Variants in NSUN4 observed in about 807,000 individuals in gnomAD.
NSUN4 encodes 5-cytosine rRNA methyltransferase NSUN4.
In NSUN4, 31 loss-of-function variants were observed where a neutral mutation model predicts 43.8. The ratio of observed to expected loss-of-function variants is 0.71; its 90% CI spans 0.53 to 0.96. The LOEUF (loss-of-function observed/expected upper bound fraction) is 0.96. Ranked by LOEUF, NSUN4 falls within the 40% of genes least tolerant of loss-of-function variation. The pLI is 0.00. For synonymous variants in NSUN4, 167 were observed against 184.1 expected, an observed-to-expected ratio of 0.91 and a Z score of 0.75; for missense variants, 439 against 475.6, an observed-to-expected ratio of 0.92 and a Z score of 0.72.
At chr1:46,374,425 T>C in the NSUN4 span, among the ~76,000 whole-genome samples, 37 of 139,744 alleles carry the variant, frequency 2.6e-4, no homozygotes, top group African/African-American at 9.0e-4. Context: ...CTGGCCAACA[T>C]GATGAAACCC....
intron 1 of NSUN4, chr1:46,342,158 G>A (rs1662161868): frequency 2.5e-6 from 1 of 402,344 alleles, no homozygotes; most frequent in East Asian, 3.6e-5. Context: ...TGGAAACTGG[G>A]CTGATGATCT....
At chr1:46,352,496 G>T (rs970763136) in intron 3 of NSUN4, among the ~76,000 whole-genome samples, 1 of 148,312 alleles carries the variant, frequency 6.7e-6, no homozygotes, top group African/African-American at 2.5e-5. Flanking sequence ...GAAAAGGAGA[G>T]AAAGGAAAGG....
chr1:46,370,986 AG>A, the NSUN4 span: 33 of 152,574 alleles, frequency 2.2e-4, no homozygotes, highest in African/African-American at 7.7e-4. Context: ...CTGCCCTTTG[AG>A]GTAGCTCAGT....
At chr1:46,343,975 C>A (rs1019506945) in intron 1 of NSUN4, 7 of 394,200 alleles carry the variant, frequency 1.8e-5, no homozygotes, top group African/African-American at 1.4e-4. Context: ...TCTGACCAGA[C>A]CAAAAATCTA....
chr1:46,366,704 C>CTAAAAAAAAA (rs1664142602), downstream of NSUN4, among the ~76,000 whole-genome samples: 1 of 59,432 alleles, frequency 1.7e-5, no homozygotes, highest in Non-Finnish European at 2.8e-5. Flanking sequence ...ACTAAAAATA[C>CTAAAAAAAAA]AAAAAAAAAA....
chr1:46,358,398 A>ATTTTTT lies in NSUN4; in HGVS notation c.754-2289_754-2284dup, dbSNP rs34719174. 9.4e-5 allele frequency among the ~76,000 whole-genome samples: 9 copies of ATTTTTT among 95,434 alleles called. 2 individuals carry two copies. The highest frequency in any genetic ancestry group is 7.9e-5 in the Non-Finnish European group (4 of 50,364). The allele number at this position is 95,434 out of a possible 152,430, so 62.6% of individuals were successfully genotyped here. On this transcript the variant is annotated intron_variant, in intron 4 of 5. Transcript: ENST00000474844. ...GGCATGAGCTACTGCTCCTGGCCTA[A>ATTTTTT]TTTTTTTTTTTTTTTTTTTTTTGAG...
At chr1:46,377,410 A>G in the NSUN4 span, among the ~76,000 whole-genome samples, 1 of 152,234 alleles carries the variant, frequency 6.6e-6, no homozygotes, top group Non-Finnish European at 1.5e-5. Context: ...ACCTACCAAG[A>G]ATATATTCTC....
chr1:46,350,131 G>A (rs1028141076), intron 3 of NSUN4, among the ~76,000 whole-genome samples: 1 of 152,192 alleles, frequency 6.6e-6, no homozygotes, highest in Non-Finnish European at 1.5e-5. Context: ...AGAATTGGAG[G>A]TAGAGCCAGA....
the NSUN4 span, among the ~76,000 whole-genome samples, chr1:46,378,247 G>C: frequency 6.6e-6 from 1 of 150,520 alleles, no homozygotes; most frequent in Non-Finnish European, 1.5e-5. Flanking sequence ...GTTCAGGCTG[G>C]AGTTCAGTGG....
At chr1:46,341,004 T>A in intron 1 of NSUN4, 85 bp downstream of exon 1, 1 of 1,325,234 alleles carries the variant, frequency 7.5e-7, no homozygotes, top group Non-Finnish European at 1.0e-6. Context: ...CTAGAACGCC[T>A]AGCGTCTTTC....
chr1:46,345,217 ACC>A, intron 2 of NSUN4, 73 bp downstream of exon 2: 1 of 1,127,664 alleles, frequency 8.9e-7, no homozygotes. Flanking sequence ...CCCAGCTTCT[ACC>A]CTCTGTAATA....
rs1357897818 is a variant in NSUN4, at chr1:46,357,691, T to A, written c.754-3013T>A. Reference sequence around the variant, plus strand: ...AAAGAGTCTGTAGACATTTCCTCCTTTTTGGGTTGGGGAAACTCCTACAGC... The same window carrying A: ...AAAGAGTCTGTAGACATTTCCTCCTATTTGGGTTGGGGAAACTCCTACAGC... On this transcript the variant is annotated intron_variant, in intron 4 of 5. Transcript: ENST00000474844. Among the ~76,000 whole-genome samples, 51 of 152,004 alleles carry A rather than the reference T, an allele frequency of 3.4e-4. 1 individual carries two copies. The highest frequency in any genetic ancestry group is 1.5e-5 in the Non-Finnish European group (1 of 67,970).
At chr1:46,361,321 A>G (rs1387976816) in intron 5 of NSUN4, among the ~76,000 whole-genome samples, 1 of 152,200 alleles carries the variant, frequency 6.6e-6, no homozygotes, top group African/African-American at 2.4e-5. Flanking sequence ...AATTTGGTCC[A>G]TAAACAAGAG....
At chr1:46,366,704 C>CAAAAAAAAAAAAAA (rs34437222), downstream of NSUN4, among the ~76,000 whole-genome samples, 13 of 59,366 alleles carry the variant, frequency 2.2e-4, no homozygotes, top group Admixed American at 7.3e-4. Flanking sequence ...ACTAAAAATA[C>CAAAAAAAAAAAAAA]AAAAAAAAAA....
At position 46,351,655 on chromosome 1, in the gene NSUN4, GTC is replaced by G. The variant is rs1296473400; in HGVS notation, c.593-1209_593-1208del. ...TACCTGGGCAACATAGTGAGACCCA[GTC>G]TCTTTTTTTTTTTTTTTTTTTTTTT... On this transcript the variant is annotated intron_variant, in intron 3 of 5. Transcript: ENST00000474844. Among the ~76,000 whole-genome samples the G allele has an allele frequency of 4.1e-3, 542 of 132,626 alleles. 8 individuals carry two copies. Among genetic ancestry groups the G allele is most frequent in the African/African-American group, 0.014 (511 of 36,194 alleles). The allele number at this position is 132,626 out of a possible 152,430, so 87.0% of individuals were successfully genotyped here. A position where few individuals can be genotyped will look rare whatever the true frequency, so the allele number is the denominator to read the frequency against.
intron 5 of NSUN4, among the ~76,000 whole-genome samples, chr1:46,361,205 T>C (rs1663845554): frequency 2.6e-5 from 4 of 151,740 alleles, no homozygotes; most frequent in African/African-American, 9.7e-5. Context: ...TATACTAGAG[T>C]GGGCTGCACA....
At chr1:46,358,387 C>A (rs1569764775) in intron 4 of NSUN4, among the ~76,000 whole-genome samples, 1 of 141,884 alleles carries the variant, frequency 7.0e-6, no homozygotes, top group Non-Finnish European at 1.5e-5. Context: ...TGAGCTACTG[C>A]TCCTGGCCTA....
intron 1 of NSUN4, chr1:46,341,720 C>G (rs1051356926): frequency 7.3e-6 from 9 of 1,230,960 alleles, no homozygotes; most frequent in Non-Finnish European, 9.1e-6. Context: ...AAAGGACCTA[C>G]TGCCGCTAGC....
At chr1:46,376,524 G>C in the NSUN4 span, among the ~76,000 whole-genome samples, 1 of 151,416 alleles carries the variant, frequency 6.6e-6, no homozygotes, top group African/African-American at 2.4e-5. Context: ...CAAGATGTAA[G>C]ATAAAATTTA....
Sources: allele counts gnomAD v4.1 joint callset (sites outside exome capture counted in the v4.1 genomes callset), GRCh38; gene constraint gnomAD v4.1.1; transcripts MANE v1.5; gene names NCBI Gene and HGNC (gene_info 2026-07-23, HGNC 2026-07-21).